Variants in PHACTR1 observed in about 807,000 individuals in gnomAD.
PHACTR1 encodes the protein RPEL repeat containing 1.
PHACTR1 carries 16 observed loss-of-function variants against 69.2 expected under a neutral mutation model. That is an observed-to-expected ratio of 0.23 (90% CI 0.16 to 0.35). The LOEUF (loss-of-function observed/expected upper bound fraction) is 0.35, where lower values mean the gene tolerates loss of function less well. PHACTR1 is among the 10% of genes least tolerant of loss of function. PHACTR1 has a pLI of 1.00. For synonymous variants in PHACTR1, 312 were observed against 284.5 expected (o/e 1.10, Z -0.97); for missense variants, 510 against 734.7 (o/e 0.69, Z 3.54).
chr6:12,793,559 G>T (rs1005372506), intron 4 of PHACTR1, among the ~76,000 whole-genome samples: 2 of 152,156 alleles, frequency 1.3e-5, no homozygotes, highest in Non-Finnish European at 2.9e-5. Flanking sequence ...TTCTGAATTG[G>T]AAGATACCTA....
chr6:12,745,587 G>A (rs2127591523), intron 3 of PHACTR1, among the ~76,000 whole-genome samples: 1 of 152,302 alleles, frequency 6.6e-6, no homozygotes, highest in East Asian at 1.9e-4. Flanking sequence ...TCTAAAGGAT[G>A]CAGAGTTATA....
intron 4 of PHACTR1, among the ~76,000 whole-genome samples, chr6:13,007,805 A>ATCACC (rs1416430808): frequency 6.6e-6 from 1 of 152,016 alleles, no homozygotes; most frequent in Non-Finnish European, 1.5e-5. Flanking sequence ...TTCTCCTTCA[A>ATCACC]TCACCTCTTT....
rs115157402 is a variant in PHACTR1 at position 12,856,288 on chromosome 6, C to T, written c.250+106498C>T. On this transcript the variant is annotated intron_variant, in intron 4 of 14. Coordinates refer to ENST00000332995, the MANE Select transcript of PHACTR1 (RefSeq NM_030948.6). ...TTTTTTCTGAGACAGGAGTTTCGCT[C>T]TGTCGCCCAAGCTGGAGTGCAGTGG... Among the ~76,000 whole-genome samples, 706 of 135,328 alleles carry T rather than the reference C, an allele frequency of 5.2e-3. 2 individuals are homozygous for T. Among genetic ancestry groups the T allele is most frequent in the Non-Finnish European group, 7.8e-3 (512 of 65,548 alleles). The allele number at this position is 135,328 out of a possible 152,430, so 88.8% of individuals were successfully genotyped here. A position where few individuals can be genotyped will look rare whatever the true frequency, so the allele number is the denominator to read the frequency against.
intron 5 of PHACTR1, among the ~76,000 whole-genome samples, chr6:13,074,514 C>G (rs563942727): frequency 3.3e-5 from 5 of 152,216 alleles, no homozygotes; most frequent in South Asian, 4.1e-4. Context: ...ATTCATCAAC[C>G]TGGCAAAGGA....
intron 5 of PHACTR1, among the ~76,000 whole-genome samples, chr6:13,076,495 C>T (rs973454592): frequency 7.2e-5 from 11 of 152,158 alleles, no homozygotes; most frequent in Admixed American, 2.0e-4. Context: ...GATAGAGTTA[C>T]GTTCATTGGG....
intron 6 of PHACTR1, among the ~76,000 whole-genome samples, chr6:13,180,600 G>A (rs180974429): frequency 7.5e-4 from 114 of 152,298 alleles, no homozygotes; most frequent in Admixed American, 1.7e-3. Context: ...TGAGACCTCC[G>A]TCCCCTCTGG....
Position 13,278,917 on chromosome 6 carries a change from C to T in PHACTR1, c.1509+588C>T, listed in dbSNP as rs1233920248. On this transcript the variant is annotated intron_variant, in intron 12 of 14. Transcript: ENST00000332995. The stretch of plus-strand genomic sequence containing the variant: ...GGCAGAGGTTGCAGTGAGCCGAGAT[C>T]GCGCCACTGCACTCCAGCCTGGGCA... Among the ~76,000 whole-genome samples, 6 of 150,158 alleles carry T rather than the reference C, an allele frequency of 4.0e-5. No individual in the cohort carries two copies. The East Asian group carries it at 5.9e-4, about 15-fold the overall frequency.
At chr6:13,079,184 A>C (rs1810999746) in intron 5 of PHACTR1, among the ~76,000 whole-genome samples, 1 of 152,166 alleles carries the variant, frequency 6.6e-6, no homozygotes, top group Non-Finnish European at 1.5e-5. Flanking sequence ...GCTCTTCCTC[A>C]TGAAGAGGCA....
chr6:12,914,981 A>G (rs1786812833), intron 4 of PHACTR1, among the ~76,000 whole-genome samples: 1 of 152,328 alleles, frequency 6.6e-6, no homozygotes, highest in Admixed American at 6.5e-5. Context: ...TCTGTGATGA[A>G]GGTGAGCCTA....
chr6:12,982,762 C>T (rs1373441717), intron 4 of PHACTR1, among the ~76,000 whole-genome samples: 1 of 152,208 alleles, frequency 6.6e-6, no homozygotes, highest in Admixed American at 6.5e-5. Context: ...AATTGAACAA[C>T]TGGGGTCCAA....
At position 12,720,469 on chromosome 6, in the gene PHACTR1, C is replaced by T. The variant is rs1378696685; in HGVS notation, c.103+1622C>T. Among the ~76,000 whole-genome samples, 4 of 152,090 alleles carry T rather than the reference C, an allele frequency of 2.6e-5. No individual in the cohort carries two copies. In the East Asian group the frequency reaches 7.7e-4, roughly 29 times the overall value. ...GGAGGCTCGGGAGGACTCAAGGCAG[C>T]CTTCTGGTTTTCAGCAGATGGAGCT... On this transcript the variant is annotated intron_variant, in intron 3 of 14. Coordinates refer to ENST00000332995, the MANE Select transcript of PHACTR1 (RefSeq NM_030948.6).
chr6:12,720,217 A>G (rs1404325716), intron 3 of PHACTR1, among the ~76,000 whole-genome samples: 1 of 152,208 alleles, frequency 6.6e-6, no homozygotes, highest in South Asian at 2.1e-4. Flanking sequence ...TCCAGTCTCA[A>G]GGTCACACAT....
chr6:13,095,639 A>G (rs997258926), intron 5 of PHACTR1, among the ~76,000 whole-genome samples: 3 of 152,140 alleles, frequency 2.0e-5, no homozygotes, highest in African/African-American at 7.2e-5. Context: ...AAGGTCGTAC[A>G]AAGATTGAAG....
At position 12,963,324 on chromosome 6, in the gene PHACTR1, C is replaced by T. The variant is rs771480644; in HGVS notation, c.251-90041C>T. Among the ~76,000 whole-genome samples the T allele has an allele frequency of 5.3e-5, 8 of 152,280 alleles. No individual in the cohort carries two copies. The South Asian group carries it at 8.3e-4, about 16-fold the overall frequency. On this transcript the variant is annotated intron_variant, in intron 4 of 14. Coordinates refer to ENST00000332995, the MANE Select transcript of PHACTR1 (RefSeq NM_030948.6). Reference sequence around the variant, plus strand: ...TTCCCCTCCACAGCTGCACCGTTACCGGGACCATTTGCACACTTTGGTAAG... The same window carrying T: ...TTCCCCTCCACAGCTGCACCGTTACTGGGACCATTTGCACACTTTGGTAAG...
chr6:12,993,443 T>C lies in PHACTR1; in HGVS notation c.251-59922T>C, dbSNP rs540391375. 8.1e-4 allele frequency among the ~76,000 whole-genome samples: 123 copies of C among 152,332 alleles called. 1 individual carries two copies. Among genetic ancestry groups the C allele is most frequent in the Admixed American group, 1.7e-3 (26 of 15,298 alleles). On this transcript the variant is annotated intron_variant, in intron 4 of 14. Transcript: ENST00000332995. Reference sequence around the variant, plus strand: ...CTTTCAGCAGCATAATAGACTGAACTGACTTTACTGTGGGGTGTCTGACCT... The same window carrying C: ...CTTTCAGCAGCATAATAGACTGAACCGACTTTACTGTGGGGTGTCTGACCT...
chr6:13,214,861 C>T (rs575652649), intron 8 of PHACTR1, among the ~76,000 whole-genome samples: 1 of 152,214 alleles, frequency 6.6e-6, no homozygotes, highest in African/African-American at 2.4e-5. Flanking sequence ...TTAATGATGC[C>T]TTCTTTACAC....
At chr6:12,957,604 C>A (rs1252938469) in intron 4 of PHACTR1, 1 of 985,630 alleles carries the variant, frequency 1.0e-6, no homozygotes, top group South Asian at 4.7e-5. Context: ...GTCTGAGTAC[C>A]CGCAGGTCAC....
intron 5 of PHACTR1, among the ~76,000 whole-genome samples, chr6:13,088,319 C>A (rs902243066): frequency 1.4e-5 from 2 of 144,638 alleles, no homozygotes; most frequent in African/African-American, 2.8e-5. Flanking sequence ...CCCACTACCC[C>A]CCGCAAAAAA....
chr6:12,872,997 TC>T (rs1326660341), intron 4 of PHACTR1, among the ~76,000 whole-genome samples: 2 of 151,734 alleles, frequency 1.3e-5, no homozygotes, highest in African/African-American at 4.8e-5. Context: ...TTTCTTTCCT[TC>T]CTTCCTTCCT....
Sources: allele counts gnomAD v4.1 joint callset (sites outside exome capture counted in the v4.1 genomes callset), GRCh38; gene constraint gnomAD v4.1.1; transcripts MANE v1.5; gene names NCBI Gene and HGNC (gene_info 2026-07-23, HGNC 2026-07-21).